Variants in STMN2 observed in about 807,000 individuals in gnomAD.
STMN2 encodes the protein stathmin 2.
STMN2 carries 2 observed loss-of-function variants against 24.1 expected under a neutral mutation model. The observed-to-expected ratio is 0.08, with a 90% CI of 0.03 to 0.26. STMN2 has a LOEUF of 0.26. Ranked by LOEUF, STMN2 falls within the 10% of genes least tolerant of loss-of-function variation. STMN2 has a pLI of 1.00. For synonymous variants in STMN2, 83 were observed against 77.5 expected (o/e 1.07, Z -0.37); for missense variants, 114 against 213.6 (o/e 0.53, Z 2.91).
At chr8:79,616,337 A>AT (rs1177369977) in intron 1 of STMN2, among the ~76,000 whole-genome samples, 1 of 152,276 alleles carries the variant, frequency 6.6e-6, no homozygotes, top group Non-Finnish European at 1.5e-5. Flanking sequence ...AAGAAGAAAT[A>AT]TATAAGTATA....
chr8:79,646,827 A>G (rs185422990), intron 3 of STMN2, among the ~76,000 whole-genome samples: 7 of 152,236 alleles, frequency 4.6e-5, no homozygotes, highest in African/African-American at 1.7e-4. Flanking sequence ...GTGTTAGATA[A>G]ATAGAGAAAA....
intron 3 of STMN2, among the ~76,000 whole-genome samples, chr8:79,650,456 C>A (rs1810310578): frequency 6.6e-6 from 1 of 152,182 alleles, no homozygotes; most frequent in South Asian, 2.1e-4. Context: ...TCTACAGCCT[C>A]ACTCACTTCA....
intron 3 of STMN2, among the ~76,000 whole-genome samples, chr8:79,648,218 C>A (rs1416788612): frequency 6.6e-6 from 1 of 152,184 alleles, no homozygotes; most frequent in Admixed American, 6.5e-5. Flanking sequence ...GTATGTCCTC[C>A]TTTGTCAATC....
chr8:79,642,684 T>C (rs1483050358), intron 3 of STMN2, among the ~76,000 whole-genome samples: 4 of 152,074 alleles, frequency 2.6e-5, no homozygotes, highest in East Asian at 1.9e-4. Context: ...CATATATACA[T>C]GCATATATGT....
At chr8:79,642,693 G>A (rs1810127463) in intron 3 of STMN2, among the ~76,000 whole-genome samples, 2 of 151,908 alleles carry the variant, frequency 1.3e-5, no homozygotes, top group African/African-American at 2.4e-5. Flanking sequence ...ATGCATATAT[G>A]TACACAAATA....
intron 2 of STMN2, among the ~76,000 whole-genome samples, chr8:79,637,538 C>A (rs1465577413): frequency 6.6e-6 from 1 of 152,188 alleles, no homozygotes; most frequent in Non-Finnish European, 1.5e-5. Context: ...TGATCTTGGT[C>A]AAATAGATAC....
At chr8:79,624,649 A>G (rs1213133050) in intron 1 of STMN2, among the ~76,000 whole-genome samples, 1 of 152,142 alleles carries the variant, frequency 6.6e-6, no homozygotes, top group Non-Finnish European at 1.5e-5. Flanking sequence ...AAAAGTATAC[A>G]TTTCATCCCT....
chr8:79,628,366 G>A (rs1052423070), intron 1 of STMN2, among the ~76,000 whole-genome samples: 6 of 152,020 alleles, frequency 3.9e-5, no homozygotes, highest in Admixed American at 1.3e-4. Context: ...GTTTCACCAT[G>A]TCTCGAACTC....
intron 1 of STMN2, among the ~76,000 whole-genome samples, chr8:79,617,396 C>T (rs961805034): frequency 1.3e-5 from 2 of 152,168 alleles, no homozygotes; most frequent in African/African-American, 4.8e-5. Context: ...TATAACATTT[C>T]CCAAATAGGG....
intron 4 of STMN2, among the ~76,000 whole-genome samples, chr8:79,661,620 T>C (rs1185220161): frequency 5.3e-5 from 8 of 152,128 alleles, no homozygotes; most frequent in Admixed American, 6.5e-5. Flanking sequence ...CCAGACATTT[T>C]TGGATGTACT....
At chr8:79,631,930 G>A (rs1214707232) in intron 1 of STMN2, among the ~76,000 whole-genome samples, 1 of 152,188 alleles carries the variant, frequency 6.6e-6, no homozygotes, top group East Asian at 1.9e-4. Flanking sequence ...CAAGGTAGCT[G>A]ATTTCTGTCT....
chr8:79,643,167 AT>A (rs1305774768), intron 3 of STMN2, among the ~76,000 whole-genome samples: 2 of 146,278 alleles, frequency 1.4e-5, no homozygotes, highest in East Asian at 3.9e-4. Flanking sequence ...ATATATATAT[AT>A]AAAATACTAG....
intron 3 of STMN2, among the ~76,000 whole-genome samples, chr8:79,646,622 C>A (rs2130370071): frequency 6.6e-6 from 1 of 152,140 alleles, no homozygotes; most frequent in Middle Eastern, 3.4e-3. Context: ...AACATGGAGG[C>A]CAGCGTGGCT....
At chr8:79,636,374 G>T (rs1240701425) in intron 1 of STMN2, among the ~76,000 whole-genome samples, 2 of 152,166 alleles carry the variant, frequency 1.3e-5, no homozygotes, top group Admixed American at 6.5e-5. Flanking sequence ...GGCAATTCAG[G>T]CTGAACCATC....
At chr8:79,648,203 T>A (rs1167816845) in intron 3 of STMN2, among the ~76,000 whole-genome samples, 1 of 152,216 alleles carries the variant, frequency 6.6e-6, no homozygotes, top group South Asian at 2.1e-4. Context: ...AGTGACTTAA[T>A]CTCCGTATGT....
At chr8:79,646,035 C>T (rs1810210403) in intron 3 of STMN2, among the ~76,000 whole-genome samples, 1 of 151,926 alleles carries the variant, frequency 6.6e-6, no homozygotes, top group Admixed American at 6.6e-5. Context: ...TTAGTCATTG[C>T]CTGAGTACTA....
intron 4 of STMN2, among the ~76,000 whole-genome samples, chr8:79,655,523 G>A (rs1394699982): frequency 1.3e-5 from 2 of 151,898 alleles, no homozygotes; most frequent in African/African-American, 4.8e-5. Context: ...AAAAGGCCAG[G>A]GTATTTATGA....
At chr8:79,611,670 C>T (rs1225176969) in intron 1 of STMN2, 2 of 601,270 alleles carry the variant, frequency 3.3e-6, no homozygotes, top group African/African-American at 2.0e-5. Context: ...AAAGTCAAAG[C>T]GGTCCCATCC....
intron 1 of STMN2, among the ~76,000 whole-genome samples, chr8:79,622,565 T>C (rs1401361046): frequency 6.6e-5 from 10 of 152,202 alleles, no homozygotes; most frequent in Non-Finnish European, 2.9e-5. Context: ...CAGAATTTAA[T>C]AGTTAAGCAT....
Sources: gnomAD v4.1 joint callset for allele counts (sites outside exome capture counted in the v4.1 genomes callset) on GRCh38, gnomAD v4.1.1 for gene constraint, MANE v1.5 for transcripts, NCBI Gene and HGNC (gene_info 2026-07-23, HGNC 2026-07-21) for gene names.